The following DIO2 variants were observed in gnomAD, a reference collection of about 807,000 sequenced individuals.
DIO2 encodes the protein iodothyronine deiodinase 2, also known as type II iodothyronine deiodinase.
DIO2 carries 19 observed loss-of-function variants against 21.4 expected under a neutral mutation model. The observed-to-expected ratio is 0.89, with a 90% confidence interval of 0.62 to 1.30. The LOEUF (loss-of-function observed/expected upper bound fraction) is 1.30. Among genes scored for constraint, DIO2 ranks in the 50% most tolerant of loss-of-function variants. The pLI is 0.00. For missense variants in DIO2, 302 were observed against 338.1 expected, an observed-to-expected ratio of 0.89 and a Z score of 0.84; for synonymous variants, 122 against 132.9, an observed-to-expected ratio of 0.92 and a Z score of 0.57.
At chr14:80,214,646 C>T (rs1459032773), upstream of DIO2, among the ~76,000 whole-genome samples, 1 of 152,144 alleles carries the variant, frequency 6.6e-6, no homozygotes, top group Non-Finnish European at 1.5e-5. Context: ...AGCAGATAGA[C>T]AATCTGTCCA....
At chr14:80,224,676 T>C (rs1888536289) in intron 2 of DIO2, among the ~76,000 whole-genome samples, 1 of 152,166 alleles carries the variant, frequency 6.6e-6, no homozygotes, top group South Asian at 2.1e-4. Context: ...TTTGATAATC[T>C]GTTATAGCAG....
chr14:80,206,781 G>T (rs1887972675), intron 1 of DIO2, among the ~76,000 whole-genome samples: 1 of 152,104 alleles, frequency 6.6e-6, no homozygotes, highest in African/African-American at 2.4e-5. Flanking sequence ...TTCTTAGAGG[G>T]TTTGTGTTTG....
chr14:80,226,114 C>T (rs1270319980), intron 2 of DIO2, among the ~76,000 whole-genome samples: 2 of 152,118 alleles, frequency 1.3e-5, no homozygotes, highest in African/African-American at 2.4e-5. Context: ...CCATGAATCT[C>T]GGCCATGTGA....
intron 2 of DIO2, among the ~76,000 whole-genome samples, chr14:80,216,947 T>C (rs1328179696): frequency 6.6e-6 from 1 of 152,230 alleles, no homozygotes; most frequent in Non-Finnish European, 1.5e-5. Context: ...ACCTCCCTCA[T>C]ATGCTGAAAA....
intron 1 of DIO2, among the ~76,000 whole-genome samples, chr14:80,210,852 AGTGTACCTCAGCCTC>A (rs1888154153): frequency 6.6e-6 from 1 of 152,142 alleles, no homozygotes; most frequent in South Asian, 2.1e-4. Flanking sequence ...ATACTTCCTC[AGTGTACCTCAGCCTC>A]CCATCAAGCA....
At chr14:80,220,515 G>C (rs1455099199) in intron 2 of DIO2, among the ~76,000 whole-genome samples, 1 of 151,976 alleles carries the variant, frequency 6.6e-6, no homozygotes, top group Non-Finnish European at 1.5e-5. Flanking sequence ...TTTTGGGGTT[G>C]GCCAGGTACC....
chr14:80,223,340 T>C (rs1480988225), intron 2 of DIO2, among the ~76,000 whole-genome samples: 1 of 152,196 alleles, frequency 6.6e-6, no homozygotes, highest in Non-Finnish European at 1.5e-5. Context: ...TCAAGCACAA[T>C]AGTGCGTTCT....
Position 80,224,496 on chromosome 14 carries a change from TACACACACACAC to T in DIO2, c.-277-7771_-277-7760del, listed in dbSNP as rs59545805. Among the ~76,000 whole-genome samples the T allele has an allele frequency of 7.2e-5, 10 of 138,494 alleles. No homozygotes were observed. In the South Asian group the frequency reaches 2.3e-3, roughly 32 times the overall value. The allele number at this position is 138,494 out of a possible 152,430, so 90.9% of individuals were successfully genotyped here. A position where few individuals can be genotyped will look rare whatever the true frequency, so the allele number is the denominator to read the frequency against. ...TTATAAAATGGAGGTAGAGAGATACTACACACACACACACACACACACACACACACACACACA... is the reference window on the plus strand; with the variant it reads ...TTATAAAATGGAGGTAGAGAGATACTACACACACACACACACACACACACA... On this transcript the variant is annotated intron_variant, in intron 2 of 4. Coordinates refer to the DIO2 transcript ENST00000553594.
intron 2 of DIO2, among the ~76,000 whole-genome samples, chr14:80,226,364 A>G (rs1888576198): frequency 6.6e-6 from 1 of 152,234 alleles, no homozygotes; most frequent in Non-Finnish European, 1.5e-5. Context: ...TGCCTTGGTC[A>G]GGGGCAATGC....
upstream of DIO2, chr14:80,211,541 G>T: frequency 2.5e-6 from 2 of 797,278 alleles, no homozygotes; most frequent in Non-Finnish European, 3.7e-6. Flanking sequence ...TTAAAAGGGG[G>T]GTGGTGATAA....
In DIO2 at chr14:80,202,814, C is replaced by CA. The variant is rs1253695114; in HGVS notation, c.696dup (p.Val233CysfsTer?). On this transcript the variant is annotated frameshift_variant, in exon 2 of 2. Coordinates refer to ENST00000438257, the MANE Select transcript of DIO2 (RefSeq NM_013989.5). LOFTEE classifies it high-confidence loss of function. ...AGATAAGCAATTTTCTGTCTCTGCA[C>CA]AATGCACACACGTTCAAAGGCTACC... 6.2e-7 allele frequency: 1 copy of CA among 1,613,920 alleles called. No homozygotes were observed. The highest frequency in any genetic ancestry group is 8.5e-7 in the Non-Finnish European group (1 of 1,179,878).
upstream of DIO2, chr14:80,216,292 A>G (rs1297180464): frequency 6.6e-6 from 1 of 152,226 alleles, no homozygotes; most frequent in Non-Finnish European, 1.5e-5. Flanking sequence ...GAGGCCACCA[A>G]CAAAGAGCCA....
chr14:80,206,230 C>A (rs1011797382), intron 1 of DIO2: 2 of 1,520,126 alleles, frequency 1.3e-6, no homozygotes, highest in Non-Finnish European at 8.9e-7. Flanking sequence ...CACACACCCA[C>A]CATCCATAAA....
chr14:80,215,279 T>C (rs545239035), upstream of DIO2, among the ~76,000 whole-genome samples: 1 of 152,356 alleles, frequency 6.6e-6, no homozygotes, highest in South Asian at 2.1e-4. Flanking sequence ...TGTTTAACTT[T>C]TTTATATTCC....
chr14:80,226,321 C>T (rs1888575251), intron 2 of DIO2, among the ~76,000 whole-genome samples: 1 of 152,182 alleles, frequency 6.6e-6, no homozygotes, highest in Non-Finnish European at 1.5e-5. Flanking sequence ...TGAGCGTGAG[C>T]CCACTGCCAC....
At chr14:80,219,838 C>T (rs1302280019) in intron 2 of DIO2, among the ~76,000 whole-genome samples, 3 of 152,080 alleles carry the variant, frequency 2.0e-5, no homozygotes, top group Admixed American at 6.6e-5. Flanking sequence ...AATTCATTCA[C>T]GTGGTATTTG....
At chr14:80,204,812 A>G (rs1159401703) in intron 1 of DIO2, among the ~76,000 whole-genome samples, 1 of 152,182 alleles carries the variant, frequency 6.6e-6, no homozygotes, top group East Asian at 1.9e-4. Context: ...ATGTTAATGC[A>G]TAACTCATTT....
intron 1 of DIO2, 65 bp from the exon 2 acceptor site, chr14:80,203,353 G>A: frequency 2.8e-6 from 4 of 1,451,354 alleles, no homozygotes; most frequent in Non-Finnish European, 3.6e-6. Flanking sequence ...TAAACACATT[G>A]CCACTTGAAT....
At chr14:80,216,310 C>T (rs1355060930), upstream of DIO2, among the ~76,000 whole-genome samples, 2 of 152,222 alleles carry the variant, frequency 1.3e-5, no homozygotes, top group Non-Finnish European at 2.9e-5. Flanking sequence ...CCAGTTAATG[C>T]TAATTGTGGC....
Sources: gnomAD v4.1 joint callset for allele counts (sites outside exome capture counted in the v4.1 genomes callset) on GRCh38, gnomAD v4.1.1 for gene constraint, MANE v1.5 for transcripts, NCBI Gene and HGNC (gene_info 2026-07-23, HGNC 2026-07-21) for gene names.